DNAH10: variants seen among roughly 807,000 people sequenced by gnomAD.
DNAH10 encodes axonemal beta dynein heavy chain 10.
Under a neutral mutation model 506.6 loss-of-function variants are expected in DNAH10, and 348 were observed. The observed-to-expected ratio is 0.69, with a 90% confidence interval of 0.63 to 0.75. DNAH10 has a LOEUF of 0.75. Ranked by LOEUF, DNAH10 falls within the 30% of genes least tolerant of loss-of-function variation. DNAH10 has a pLI of 0.00. For synonymous variants in DNAH10, 2,059 were observed against 2,198.6 expected (o/e 0.94, Z 1.78); for missense variants, 5,179 against 5,787.1 (o/e 0.89, Z 3.41).
intron 30 of DNAH10, among the ~76,000 whole-genome samples, chr12:123,844,664 G>T (rs1488548472): frequency 6.6e-6 from 1 of 152,192 alleles, no homozygotes. Flanking sequence ...CTTGAGACAG[G>T]GTCTTGCTCT....
intron 36 of DNAH10, among the ~76,000 whole-genome samples, chr12:123,856,596 T>G (rs1467733716): frequency 1.3e-5 from 2 of 151,010 alleles, no homozygotes; most frequent in Admixed American, 1.3e-4. Flanking sequence ...CCTCCCAAAG[T>G]GCTGGAATTA....
chr12:123,898,088 T>C, intron 55 of DNAH10, 121 bp downstream of exon 55: 1 of 962,520 alleles, frequency 1.0e-6, no homozygotes. Flanking sequence ...ACGAAGCACA[T>C]CTTGGATTTT....
chr12:123,877,287 G>T (rs983561969), intron 47 of DNAH10, among the ~76,000 whole-genome samples: 9 of 152,068 alleles, frequency 5.9e-5, no homozygotes, highest in Non-Finnish European at 2.9e-5. Flanking sequence ...GCTGGAGCTT[G>T]TGTCTGTCAG....
At chr12:123,828,734 G>A (rs1398594053) in intron 25 of DNAH10, among the ~76,000 whole-genome samples, 1 of 152,118 alleles carries the variant, frequency 6.6e-6, no homozygotes, top group Non-Finnish European at 1.5e-5. Context: ...GCTCTTTCTG[G>A]TGGCTTGTAG....
At chr12:123,811,325 A>G (rs920646695) in intron 19 of DNAH10, among the ~76,000 whole-genome samples, 1 of 148,612 alleles carries the variant, frequency 6.7e-6, no homozygotes, top group Admixed American at 6.7e-5. Context: ...TATTAGTATT[A>G]CTTTTTTTTT....
intron 5 of DNAH10, among the ~76,000 whole-genome samples, chr12:123,776,648 A>T (rs532903861): frequency 6.6e-6 from 1 of 152,114 alleles, no homozygotes; most frequent in Non-Finnish European, 1.5e-5. Context: ...AAAAAAAAAA[A>T]AAGAAAAATA....
At chr12:123,858,333 G>A (rs372873009) in intron 37 of DNAH10, among the ~76,000 whole-genome samples, 100 of 152,264 alleles carry the variant, frequency 6.6e-4, no homozygotes, top group African/African-American at 2.0e-3. Context: ...GGGTTGCCTC[G>A]GGTCGGGCAG....
Position 123,848,814 on chromosome 12 carries a change from C to T in DNAH10, c.6034C>T (p.Leu2012Phe). The change falls in exon 34 of 79, where the codon CTC becomes TTC. Residue 2012 changes from leucine to phenylalanine, a missense_variant. Leu to Phe is a conservative substitution (Grantham distance 22). Transcript: ENST00000673944. Reference protein sequence around the residue: ...DEFNRIDASVLSVISSQIQTI... With the variant: ...DEFNRIDASVFSVISSQIQTI... Reference sequence around the variant, plus strand: ...GTTTAATCGAATCGATGCTTCTGTGCTCTCCGTGATCTCCTCCCAGATCCA... The same window carrying T: ...GTTTAATCGAATCGATGCTTCTGTGTTCTCCGTGATCTCCTCCCAGATCCA... 6.2e-7 allele frequency: 1 copy of T among 1,613,898 alleles called. No individual in the cohort carries two copies. The highest frequency in any genetic ancestry group is 8.5e-7 in the Non-Finnish European group (1 of 1,179,860).
chr12:123,831,752 GGTGTGGT>G, intron 26 of DNAH10, among the ~76,000 whole-genome samples: 1 of 58,300 alleles, frequency 1.7e-5, no homozygotes, highest in Non-Finnish European at 4.6e-5. Flanking sequence ...AAATTAGCCG[GGTGTGGT>G]GCCGGGTGTG....
intron 65 of DNAH10, among the ~76,000 whole-genome samples, chr12:123,920,500 C>G (rs976097235): frequency 3.9e-5 from 6 of 152,216 alleles, no homozygotes; most frequent in African/African-American, 7.2e-5. Context: ...CAAAAACAGG[C>G]AGCAGGCTGG....
chr12:123,916,849 C>A lies in DNAH10; in HGVS notation c.11002+113C>A. The A allele has an allele frequency of 1.5e-6, 2 of 1,306,962 alleles. No individual in the cohort carries two copies. The highest frequency in any genetic ancestry group is 2.1e-6 in the Non-Finnish European group (2 of 971,290). 81.0% of individuals were successfully genotyped at this position (1,306,962 alleles called of 1,614,324 possible). A position where few individuals can be genotyped will look rare whatever the true frequency, so the allele number is the denominator to read the frequency against. ...TCACTCAGTGACCCCAGATCATTCT[C>A]TCATAGGCACATCTGGACTAGTCAG... is the stretch of plus-strand genomic sequence containing the variant. On this transcript the variant is annotated intron_variant, in intron 63 of 78. Transcript: ENST00000673944. This position sits in a 1 kb window ranked among gnomAD's most constrained non-coding sequence, Gnocchi z 4.6.
At chr12:123,930,933 C>T (rs1479074365) in intron 73 of DNAH10, among the ~76,000 whole-genome samples, 1 of 152,012 alleles carries the variant, frequency 6.6e-6, no homozygotes, top group Non-Finnish European at 1.5e-5. Flanking sequence ...ACCTGTAATC[C>T]CTTCTTTGGA....
chr12:123,918,977 G>T, intron 65 of DNAH10, 28 bp downstream of exon 65: 1 of 1,557,250 alleles, frequency 6.4e-7, no homozygotes, highest in South Asian at 1.2e-5. Flanking sequence ...AGGAGGACAT[G>T]TTAGTGTAGT....
chr12:123,800,508 G>A (rs1431824496), intron 15 of DNAH10, 120 bp downstream of exon 15: 89 of 988,442 alleles, frequency 9.0e-5, no homozygotes, highest in Non-Finnish European at 1.2e-4. Flanking sequence ...TTATAATTAT[G>A]AATTCTTACC....
At chr12:123,908,227 CCTGTCTCCTCCCTGTCTCT>C (rs1442828288) in intron 57 of DNAH10, 23 of 414,538 alleles carry the variant, frequency 5.5e-5, no homozygotes, top group African/African-American at 4.4e-4. Flanking sequence ...TCCCTGTCTT[CCTGTCTCCTCCCTGTCTCT>C]CTGTCTCCTC....
intron 2 of DNAH10, 91 bp from the exon 3 acceptor site, chr12:123,771,510 A>G (rs1957251243): frequency 1.9e-6 from 2 of 1,029,466 alleles, no homozygotes; most frequent in Admixed American, 2.0e-5. Flanking sequence ...TTTGAATGAA[A>G]TGTACTGGTG....
chr12:123,797,164 C>A (rs1281925797), intron 13 of DNAH10, among the ~76,000 whole-genome samples: 1 of 152,150 alleles, frequency 6.6e-6, no homozygotes, highest in Non-Finnish European at 1.5e-5. Context: ...AGCCATAGCA[C>A]CCGGCCCTGT....
At chr12:123,803,896 A>T in intron 17 of DNAH10, 71 bp downstream of exon 17, 1 of 1,425,358 alleles carries the variant, frequency 7.0e-7, no homozygotes, top group Non-Finnish European at 9.5e-7. Context: ...ATACATGTGT[A>T]TATATGTACC....
chr12:123,928,519 T>A lies in DNAH10; in HGVS notation c.12238T>A (p.Phe4080Ile). ...GAGGATCACCAAGCCCCACCCAGACTTCCGCCTGTGGCTCACCACGGACCC... is the reference window on the plus strand; with the variant it reads ...GAGGATCACCAAGCCCCACCCAGACATCCGCCTGTGGCTCACCACGGACCC... The part of the protein sequence containing the change: ...LERITKPHPD[F>I]RLWLTTDPTK... The change falls in exon 70 of 79, where the codon TTC (phenylalanine) becomes ATC (isoleucine). Residue 4080 changes from phenylalanine (F) to isoleucine (I), a missense_variant. By Grantham distance (21) the Phe-to-Ile change is conservative. Around this residue, in one of 3 missense-constraint regions of DNAH10, gnomAD observed 4,844 missense variants for 5,430.5 expected, o/e 0.89. Transcript: ENST00000673944. This position sits in a 1 kb window ranked among gnomAD's most constrained non-coding sequence, Gnocchi z 4.9. 1 of 1,611,454 alleles carries A rather than the reference T, an allele frequency of 6.2e-7. No homozygotes were observed. The highest frequency in any genetic ancestry group is 1.7e-4 in the Middle Eastern group (1 of 6,060).
Sources: gnomAD v4.1 joint callset for allele counts (sites outside exome capture counted in the v4.1 genomes callset) on GRCh38, gnomAD v4.1.1 for gene constraint, gnomAD v4.1.1 regional missense constraint, Gnocchi (gnomAD v3.1) non-coding constraint, MANE v1.5 for transcripts, NCBI Gene and HGNC (gene_info 2026-07-23, HGNC 2026-07-21) for gene names.